ABCG2: variants seen among roughly 807,000 people sequenced by gnomAD.
The protein encoded by ABCG2 is ATP binding cassette subfamily G member 2 (JR blood group).
ABCG2 carries 80 observed loss-of-function variants against 73.5 expected under a neutral mutation model. That is an observed-to-expected ratio of 1.09 (90% confidence interval 0.91 to 1.31). The LOEUF (loss-of-function observed/expected upper bound fraction) is 1.31, where lower values mean the gene tolerates loss of function less well. Ranked by LOEUF, ABCG2 falls within the 50% of genes most tolerant of loss-of-function variation. ABCG2 has a pLI of 0.00. For synonymous variants in ABCG2, 269 were observed against 282.4 expected (o/e 0.95, Z 0.48); for missense variants, 796 against 786.2 (o/e 1.01, Z -0.15).
At chr4:88,148,473 C>T (rs1190597710) in intron 1 of ABCG2, among the ~76,000 whole-genome samples, 2 of 152,052 alleles carry the variant, frequency 1.3e-5, no homozygotes, top group Non-Finnish European at 2.9e-5. Flanking sequence ...AAGGGTGCAG[C>T]GTGCCTGATC....
chr4:88,101,368 A>C, intron 10 of ABCG2, 49 bp from the exon 11 acceptor site: 1 of 1,525,882 alleles, frequency 6.6e-7, no homozygotes, highest in Non-Finnish European at 9.1e-7. Context: ...CAGCATTCTT[A>C]GACAGATTTT....
chr4:88,159,549 C>G (rs1727190579), upstream of ABCG2, among the ~76,000 whole-genome samples: 1 of 139,768 alleles, frequency 7.2e-6, no homozygotes, highest in South Asian at 2.4e-4. Context: ...GTTCAGGAAA[C>G]GGGCCATCAG....
intron 1 of ABCG2, among the ~76,000 whole-genome samples, chr4:88,165,668 G>T (rs1727486076): frequency 6.6e-6 from 1 of 152,212 alleles, no homozygotes; most frequent in African/African-American, 2.4e-5. Context: ...GAGGTCAGGA[G>T]TTCAAGACCA....
At chr4:88,131,654 T>C in intron 4 of ABCG2, 149 bp downstream of exon 4, 4 of 612,226 alleles carry the variant, frequency 6.5e-6, no homozygotes, top group Non-Finnish European at 1.1e-5. Flanking sequence ...CACATAAGTG[T>C]CTATGAGAAA....
At chr4:88,179,431 TTC>T in intron 1 of ABCG2, among the ~76,000 whole-genome samples, 1 of 152,104 alleles carries the variant, frequency 6.6e-6, no homozygotes, top group Non-Finnish European at 1.5e-5. Flanking sequence ...CTGGAAAGCC[TTC>T]CCAAGAAGGA....
At chr4:88,188,309 G>T (rs1728548869) in intron 1 of ABCG2, among the ~76,000 whole-genome samples, 1 of 151,918 alleles carries the variant, frequency 6.6e-6, no homozygotes. Context: ...TTTATTTCTG[G>T]TCTCTTTATT....
intron 9 of ABCG2, 91 bp from the exon 10 acceptor site, chr4:88,107,357 A>G (rs542426626): frequency 4.2e-5 from 36 of 856,082 alleles, no homozygotes; most frequent in Non-Finnish European, 6.0e-5. Context: ...ATATATGGTT[A>G]CATAATCAGA....
chr4:88,127,174 T>C (rs942453934), intron 5 of ABCG2, among the ~76,000 whole-genome samples: 5 of 152,112 alleles, frequency 3.3e-5, no homozygotes, highest in Non-Finnish European at 4.4e-5. Context: ...CCATTCACAA[T>C]TGGTACAAAG....
At chr4:88,207,733 C>T (rs998085030) in intron 1 of ABCG2, among the ~76,000 whole-genome samples, 4 of 151,958 alleles carry the variant, frequency 2.6e-5, no homozygotes, top group African/African-American at 4.8e-5. Flanking sequence ...TTAGTAGAGA[C>T]GAGGTCCCAC....
intron 1 of ABCG2, among the ~76,000 whole-genome samples, chr4:88,230,651 T>TC (rs1730429427): frequency 6.6e-6 from 1 of 152,032 alleles, no homozygotes; most frequent in Non-Finnish European, 1.5e-5. Context: ...CTGATTGTCT[T>TC]CTCAGGTGCT....
chr4:88,149,719 C>T (rs191915431), intron 1 of ABCG2, among the ~76,000 whole-genome samples: 401 of 152,142 alleles, frequency 2.6e-3, no homozygotes, highest in Non-Finnish European at 4.9e-3. Flanking sequence ...GGCATGGTAG[C>T]GCATGCCTGT....
intron 1 of ABCG2, among the ~76,000 whole-genome samples, chr4:88,224,639 G>A (rs375972082): frequency 3.3e-5 from 5 of 152,060 alleles, no homozygotes; most frequent in Admixed American, 6.5e-5. Flanking sequence ...CTATAGGTGC[G>A]CACCACCACA....
chr4:88,094,745 G>T, intron 14 of ABCG2, 86 bp from the exon 15 acceptor site: 1 of 990,698 alleles, frequency 1.0e-6, no homozygotes, highest in Non-Finnish European at 1.6e-6. Flanking sequence ...TGCCCTCTGA[G>T]TTTAATCTTT....
intron 5 of ABCG2, among the ~76,000 whole-genome samples, chr4:88,123,609 T>C (rs761046153): frequency 6.6e-6 from 1 of 151,376 alleles, no homozygotes; most frequent in Non-Finnish European, 1.5e-5. Context: ...GAAGACAAGA[T>C]TAGAGAAAAA....
chr4:88,099,457 C>CA lies in ABCG2; in HGVS notation c.1368-10dup. 3 of 1,591,824 alleles carry CA rather than the reference C, an allele frequency of 1.9e-6. No individual in the cohort carries two copies. Among genetic ancestry groups the CA allele is most frequent in the South Asian group, 2.3e-5 (2 of 86,372 alleles). On this transcript the variant is annotated splice_polypyrimidine_tract_variant and intron_variant, in intron 11 of 15. Coordinates refer to ENST00000237612, the MANE Select transcript of ABCG2 (RefSeq NM_004827.3). ...CGCTGATGTATTCATGTCTATAGAA[C>CA]AAAAATACGTATCATACATCCAAGA...
At chr4:88,133,374 G>C (rs916162261) in intron 2 of ABCG2, among the ~76,000 whole-genome samples, 2 of 151,900 alleles carry the variant, frequency 1.3e-5, no homozygotes, top group African/African-American at 4.8e-5. Flanking sequence ...GAAAAAAAAA[G>C]CCTTAATCCA....
chr4:88,130,127 A>G (rs1380427260), intron 5 of ABCG2, among the ~76,000 whole-genome samples: 2 of 152,192 alleles, frequency 1.3e-5, no homozygotes, highest in Non-Finnish European at 2.9e-5. Flanking sequence ...AGGAAACTGA[A>G]ACATATAGAG....
intron 1 of ABCG2, among the ~76,000 whole-genome samples, chr4:88,198,106 T>C (rs12513247): frequency 0.56 from 83,523 of 148,566 alleles, 24,071 homozygotes; most frequent in East Asian, 0.99. Flanking sequence ...CCGAGGTGGG[T>C]GGATAACCTG....
chr4:88,211,105 A>T (rs1050009256), intron 1 of ABCG2, among the ~76,000 whole-genome samples: 2 of 151,222 alleles, frequency 1.3e-5, no homozygotes, highest in African/African-American at 2.4e-5. Context: ...ATTAAAAAAT[A>T]AAAAAAATAT....
Sources: gnomAD v4.1 joint callset for allele counts (sites outside exome capture counted in the v4.1 genomes callset) on GRCh38, gnomAD v4.1.1 for gene constraint, MANE v1.5 for transcripts, NCBI Gene and HGNC (gene_info 2026-07-23, HGNC 2026-07-21) for gene names.